GRM5: variants seen among roughly 807,000 people sequenced by gnomAD.
GRM5 encodes the protein metabotropic glutamate receptor 5.
In GRM5, 19 loss-of-function variants were observed where a neutral mutation model predicts 83.1. The observed-to-expected ratio is 0.23, with a 90% CI of 0.16 to 0.34. The LOEUF (loss-of-function observed/expected upper bound fraction) is 0.34. GRM5 is among the 10% of genes least tolerant of loss of function. GRM5 has a pLI of 1.00. For synonymous variants in GRM5, 675 were observed against 633.6 expected, an observed-to-expected ratio of 1.07 and a Z score of -0.98; for missense variants, 1,160 against 1,588.3, an observed-to-expected ratio of 0.73 and a Z score of 4.58.
chr11:88,932,573 T>A lies in GRM5; in HGVS notation c.662-82418A>T, dbSNP rs542195868. Among the ~76,000 whole-genome samples, 500 of 151,956 alleles carry A rather than the reference T, an allele frequency of 3.3e-3. 2 individuals carry two copies. The highest frequency in any genetic ancestry group is 0.011 in the African/African-American group (472 of 41,510). ...ATTAATAAGATGTTATATAAATATA[T>A]AAAAAATAAGCAGGTTTTATATCTG... On this transcript the variant is annotated intron_variant, in intron 2 of 9. Transcript: ENST00000305447.
intron 2 of GRM5, among the ~76,000 whole-genome samples, chr11:89,002,407 T>A (rs1940409726): frequency 6.6e-6 from 1 of 152,132 alleles, no homozygotes; most frequent in Non-Finnish European, 1.5e-5. Context: ...GAGCTCTGGC[T>A]TCCTAAAAAA....
At chr11:88,690,689 TC>T (rs913386795) in intron 3 of GRM5, among the ~76,000 whole-genome samples, 1 of 152,198 alleles carries the variant, frequency 6.6e-6, no homozygotes, top group African/African-American at 2.4e-5. Context: ...CGAGGATTTG[TC>T]ACTTCAGTCA....
intron 2 of GRM5, among the ~76,000 whole-genome samples, chr11:88,934,350 A>C (rs1361800107): frequency 6.6e-6 from 1 of 151,838 alleles, no homozygotes; most frequent in African/African-American, 2.4e-5. Flanking sequence ...CCTAATAACT[A>C]AGTATTGCAC....
At chr11:89,018,499 G>T (rs549864955) in intron 2 of GRM5, among the ~76,000 whole-genome samples, 22 of 152,202 alleles carry the variant, frequency 1.4e-4, no homozygotes, top group African/African-American at 5.3e-4. Flanking sequence ...TTCTAACATT[G>T]ATTTATTCAA....
chr11:88,722,299 T>A (rs957854848), intron 3 of GRM5, among the ~76,000 whole-genome samples: 2 of 152,164 alleles, frequency 1.3e-5, no homozygotes, highest in African/African-American at 4.8e-5. Flanking sequence ...GATGCCCTGA[T>A]GACCTGGTGT....
At chr11:88,731,221 A>G (rs1565205510) in intron 3 of GRM5, among the ~76,000 whole-genome samples, 1 of 152,016 alleles carries the variant, frequency 6.6e-6, no homozygotes, top group African/African-American at 2.4e-5. Flanking sequence ...CCACTTCTCC[A>G]GCTTCATAAT....
chr11:88,535,306 G>C (rs1029063755), intron 8 of GRM5, among the ~76,000 whole-genome samples: 1 of 152,194 alleles, frequency 6.6e-6, no homozygotes, highest in African/African-American at 2.4e-5. Flanking sequence ...TCATGGGAGA[G>C]AGTCTTCTGG....
chr11:88,731,741 T>A (rs1189775045), intron 3 of GRM5, among the ~76,000 whole-genome samples: 1 of 151,968 alleles, frequency 6.6e-6, no homozygotes, highest in Non-Finnish European at 1.5e-5. Flanking sequence ...GGTAAACCAG[T>A]ATTAAGATGT....
intron 2 of GRM5, among the ~76,000 whole-genome samples, chr11:88,873,566 G>A (rs1939091): frequency 0.026 from 3,953 of 151,612 alleles, 175 homozygotes; most frequent in African/African-American, 0.089. Context: ...AGAACCTTGG[G>A]AAATGTACAA....
At chr11:88,902,755 G>A (rs540905314) in intron 2 of GRM5, among the ~76,000 whole-genome samples, 11 of 151,908 alleles carry the variant, frequency 7.2e-5, no homozygotes, top group African/African-American at 2.2e-4. Context: ...GGATTTCCAG[G>A]CCAGCCTGGC....
chr11:88,661,391 A>G (rs570349887), intron 3 of GRM5, among the ~76,000 whole-genome samples: 1 of 152,270 alleles, frequency 6.6e-6, no homozygotes, highest in East Asian at 1.9e-4. Context: ...CCCGTGCAGA[A>G]TGGTCCTCTT....
chr11:89,052,899 T>C (rs1182213242), intron 1 of GRM5, among the ~76,000 whole-genome samples: 1 of 152,308 alleles, frequency 6.6e-6, no homozygotes, highest in East Asian at 1.9e-4. Flanking sequence ...ATTTTACAAA[T>C]GATGTAATGG....
At chr11:88,962,310 TTTG>T (rs1449404353) in intron 2 of GRM5, among the ~76,000 whole-genome samples, 2 of 152,142 alleles carry the variant, frequency 1.3e-5, no homozygotes, top group African/African-American at 4.8e-5. Context: ...CACACACTCA[TTTG>T]TTCTTATATT....
At chr11:88,834,351 C>CA (rs1216768399) in intron 3 of GRM5, among the ~76,000 whole-genome samples, 3 of 151,994 alleles carry the variant, frequency 2.0e-5, no homozygotes, top group Non-Finnish European at 4.4e-5. Flanking sequence ...TTGGCATGTA[C>CA]AAAAAGGTAA....
chr11:88,701,034 C>A (rs1393282356), intron 3 of GRM5, among the ~76,000 whole-genome samples: 1 of 152,028 alleles, frequency 6.6e-6, no homozygotes, highest in Non-Finnish European at 1.5e-5. Flanking sequence ...TGCTTTTCAT[C>A]CCTACAAATC....
chr11:88,543,586 AGAG>A (rs1485442250), intron 8 of GRM5, among the ~76,000 whole-genome samples: 3 of 120,674 alleles, frequency 2.5e-5, no homozygotes, highest in African/African-American at 7.8e-5. Flanking sequence ...AAATCAGAGA[AGAG>A]GAAAAAAAAA....
intron 4 of GRM5, among the ~76,000 whole-genome samples, chr11:88,634,335 A>C (rs1446271547): frequency 6.6e-6 from 1 of 152,194 alleles, no homozygotes; most frequent in African/African-American, 2.4e-5. Flanking sequence ...CATTTACTTT[A>C]TAAACTTTTA....
At chr11:88,899,895 T>C (rs1945288993) in intron 2 of GRM5, among the ~76,000 whole-genome samples, 3 of 152,110 alleles carry the variant, frequency 2.0e-5, no homozygotes, top group Admixed American at 2.0e-4. Flanking sequence ...AATATATTTT[T>C]GTCCAGTCCA....
At chr11:88,523,076 A>G (rs970644840) in intron 9 of GRM5, 1 of 152,180 alleles carries the variant, frequency 6.6e-6, no homozygotes, top group African/African-American at 2.4e-5. Context: ...TGATGATCAG[A>G]TCTAAAGCTC....
Sources: gnomAD v4.1 joint callset for allele counts (sites outside exome capture counted in the v4.1 genomes callset) on GRCh38, gnomAD v4.1.1 for gene constraint, MANE v1.5 for transcripts, NCBI Gene and HGNC (gene_info 2026-07-23, HGNC 2026-07-21) for gene names.